Variants in CCSER2 observed in about 807,000 individuals in gnomAD.
CCSER2 encodes serine-rich coiled-coil domain-containing protein 2.
Under a neutral mutation model 92.3 loss-of-function variants are expected in CCSER2, and 46 were observed. That is an observed-to-expected ratio of 0.50 (90% CI 0.39 to 0.64). The LOEUF (loss-of-function observed/expected upper bound fraction) is 0.64. Among genes scored for constraint, CCSER2 ranks in the 30% least tolerant of loss-of-function variants. The pLI is 0.00. For synonymous variants in CCSER2, 433 were observed against 431.4 expected (o/e 1.00, Z -0.04); for missense variants, 1,244 against 1,238.9 (o/e 1.00, Z -0.06).
At chr10:84,484,726 T>C (rs1300767364) in intron 9 of CCSER2, among the ~76,000 whole-genome samples, 2 of 152,236 alleles carry the variant, frequency 1.3e-5, no homozygotes, top group Non-Finnish European at 2.9e-5. Context: ...AGCCTGTGTT[T>C]TGATGATCTG....
chr10:84,341,092 G>A (rs1425068042), intron 1 of CCSER2, among the ~76,000 whole-genome samples: 6 of 144,640 alleles, frequency 4.1e-5, no homozygotes, highest in African/African-American at 1.0e-4. Context: ...CCAGGCTGGC[G>A]TGCAGTGGCT....
In CCSER2 at chr10:84,371,685, A is replaced by G. The variant is rs546947601; in HGVS notation, c.633A>G (p.Lys211=). The G allele has an allele frequency of 6.2e-7, 1 of 1,613,776 alleles. No homozygotes were observed. The highest frequency in any genetic ancestry group is 1.1e-5 in the South Asian group (1 of 91,066). ...TAGCTCAATCCCCAGACAGTAGTAAATCTATTAATTGTGAAAAAATGGTAA... is the reference window on the plus strand; with the variant it reads ...TAGCTCAATCCCCAGACAGTAGTAAGTCTATTAATTGTGAAAAAATGGTAA... ...ESLAQSPDSS[K]SINCEKMVRS... is the part of the protein sequence containing the mutation. The change falls in exon 2 of 10, where the codon AAA becomes AAG. Residue 211 remains lysine, a synonymous_variant. Coordinates refer to ENST00000372088, the MANE Select transcript of CCSER2 (RefSeq NM_001284240.2).
chr10:84,476,703 A>G (rs1050327492), intron 8 of CCSER2, among the ~76,000 whole-genome samples: 8 of 152,078 alleles, frequency 5.3e-5, no homozygotes, highest in African/African-American at 1.9e-4. Context: ...TCGGCCTCCC[A>G]AAGTGCTGGG....
chr10:84,513,614 G>A lies in CCSER2; in HGVS notation c.2491G>A (p.Glu831Lys). ...AAGCTTTACACACGTCTTGCACCAAGAAAGCAACTATGGTTTGGAAGAGCA... is the reference window on the plus strand; with the variant it reads ...AAGCTTTACACACGTCTTGCACCAAAAAAGCAACTATGGTTTGGAAGAGCA... ...EESFTHVLHQESNYGLEEQPF... is the reference protein window; with the variant it reads ...EESFTHVLHQKSNYGLEEQPF... The change falls in exon 10 of 10, where the codon GAA becomes AAA. Residue 831 changes from glutamate (E) to lysine (K), a missense_variant. Transcript: ENST00000372088. The A allele has an allele frequency of 6.2e-7, 1 of 1,610,900 alleles. No homozygotes were observed. Among genetic ancestry groups the A allele is most frequent in the Middle Eastern group, 1.7e-4 (1 of 6,060 alleles).
intron 1 of CCSER2, among the ~76,000 whole-genome samples, chr10:84,337,196 A>C (rs1025107069): frequency 3.9e-5 from 6 of 152,334 alleles, no homozygotes; most frequent in East Asian, 1.9e-4. Flanking sequence ...AGAATGGATT[A>C]AAATAATTTA....
chr10:84,386,670 G>C (rs1049940493), intron 3 of CCSER2, among the ~76,000 whole-genome samples: 1 of 152,218 alleles, frequency 6.6e-6, no homozygotes, highest in African/African-American at 2.4e-5. Flanking sequence ...GGCGGAGGCT[G>C]CGGTGCGCTG....
At chr10:84,483,291 G>A (rs1337948244) in intron 9 of CCSER2, among the ~76,000 whole-genome samples, 1 of 151,990 alleles carries the variant, frequency 6.6e-6, no homozygotes, top group East Asian at 1.9e-4. Flanking sequence ...TACTCGGGAG[G>A]CTGAGGCAGG....
At chr10:84,485,947 A>T (rs558628347) in intron 9 of CCSER2, among the ~76,000 whole-genome samples, 19 of 152,030 alleles carry the variant, frequency 1.2e-4, no homozygotes, top group Non-Finnish European at 2.2e-4. Context: ...CCTGTGTCCA[A>T]GTGTTCTCAT....
At chr10:84,336,749 A>T (rs1010354061) in intron 1 of CCSER2, among the ~76,000 whole-genome samples, 1 of 152,230 alleles carries the variant, frequency 6.6e-6, no homozygotes, top group African/African-American at 2.4e-5. Flanking sequence ...GGGAGCCACC[A>T]GAGTTTTGAC....
At chr10:84,476,904 C>T (rs1847182425) in intron 8 of CCSER2, among the ~76,000 whole-genome samples, 1 of 152,156 alleles carries the variant, frequency 6.6e-6, no homozygotes, top group South Asian at 2.1e-4. Context: ...AAAGGGCTGA[C>T]ACTCTTCAAA....
chr10:84,350,379 G>GT (rs55866325), intron 1 of CCSER2, among the ~76,000 whole-genome samples: 31,624 of 150,948 alleles, frequency 0.21, 3,562 homozygotes, highest in Admixed American at 0.34. Context: ...TTATTTAATT[G>GT]TTTTTTTTTC....
chr10:84,443,963 AG>A (rs1459574807), intron 6 of CCSER2, among the ~76,000 whole-genome samples: 1 of 151,988 alleles, frequency 6.6e-6, no homozygotes, highest in African/African-American at 2.4e-5. Flanking sequence ...GGACACAGGG[AG>A]GGGAACATCA....
chr10:84,369,016 C>A (rs1381369238), intron 1 of CCSER2, among the ~76,000 whole-genome samples: 11 of 152,062 alleles, frequency 7.2e-5, no homozygotes, highest in Non-Finnish European at 8.8e-5. Flanking sequence ...GATATTATTT[C>A]ATTCTTTTTT....
intron 4 of CCSER2, among the ~76,000 whole-genome samples, chr10:84,419,150 G>C (rs1843015401): frequency 6.6e-6 from 1 of 152,128 alleles, no homozygotes; most frequent in Non-Finnish European, 1.5e-5. Flanking sequence ...TCACAATGTT[G>C]TTAGTGAGGG....
intron 9 of CCSER2, among the ~76,000 whole-genome samples, chr10:84,487,275 G>T (rs1847864938): frequency 6.6e-6 from 1 of 152,150 alleles, no homozygotes; most frequent in African/African-American, 2.4e-5. Context: ...TTCCAATTCT[G>T]TGAAGAAAGT....
Position 84,358,926 on chromosome 10 carries a change from A to G in CCSER2, c.-39-12088A>G, listed in dbSNP as rs116504082. Among the ~76,000 whole-genome samples the G allele has an allele frequency of 4.1e-3, 626 of 152,184 alleles. 4 individuals are homozygous for G. The highest frequency in any genetic ancestry group is 0.015 in the African/African-American group (612 of 41,524). On this transcript the variant is annotated intron_variant, in intron 1 of 9. Coordinates refer to ENST00000372088, the MANE Select transcript of CCSER2 (RefSeq NM_001284240.2). The stretch of plus-strand genomic sequence containing the variant: ...CATTTTGATTGGTTGCCTTGTTCAT[A>G]TGTACAGAAGCTTATGAGTTGAAAG...
intron 3 of CCSER2, among the ~76,000 whole-genome samples, chr10:84,397,268 C>A (rs1414211552): frequency 6.6e-6 from 1 of 152,120 alleles, no homozygotes; most frequent in Non-Finnish European, 1.5e-5. Flanking sequence ...TTTATTACCA[C>A]CTCCCCCAAA....
At chr10:84,505,666 G>A (rs1849003070) in intron 9 of CCSER2, among the ~76,000 whole-genome samples, 1 of 151,734 alleles carries the variant, frequency 6.6e-6, no homozygotes, top group Non-Finnish European at 1.5e-5. Flanking sequence ...ATCAAATATG[G>A]TATTTTGTAC....
Position 84,383,365 on chromosome 10 carries a change from C to T in CCSER2, c.1614+9550C>T, listed in dbSNP as rs867800693. On this transcript the variant is annotated intron_variant, in intron 3 of 9. Coordinates refer to ENST00000372088, the MANE Select transcript of CCSER2 (RefSeq NM_001284240.2). Reference sequence around the variant, plus strand: ...TCCCTCTGTCTCCCAGGCTGGAGTGCAGTGGTGTGATCTCGGCTCACTGCA... The same window carrying T: ...TCCCTCTGTCTCCCAGGCTGGAGTGTAGTGGTGTGATCTCGGCTCACTGCA... 2.0e-5 allele frequency among the ~76,000 whole-genome samples: 3 copies of T among 152,204 alleles called. No individual in the cohort carries two copies. In the East Asian group the frequency reaches 5.8e-4, roughly 29 times the overall value.
Sources: gnomAD v4.1 joint callset for allele counts (sites outside exome capture counted in the v4.1 genomes callset) on GRCh38, gnomAD v4.1.1 for gene constraint, MANE v1.5 for transcripts, NCBI Gene and HGNC (gene_info 2026-07-23, HGNC 2026-07-21) for gene names.